The following PTPRN2 variants were observed in gnomAD, a reference collection of about 807,000 sequenced individuals.
PTPRN2 encodes protein tyrosine phosphatase receptor type N2.
PTPRN2 carries 74 observed loss-of-function variants against 118.8 expected under a neutral mutation model. The ratio of observed to expected loss-of-function variants is 0.62; its 90% CI spans 0.52 to 0.76. PTPRN2 has a LOEUF of 0.76. Among genes scored for constraint, PTPRN2 ranks in the 30% least tolerant of loss-of-function variants. PTPRN2 has a pLI of 0.00. For synonymous variants in PTPRN2, 641 were observed against 608.0 expected, an observed-to-expected ratio of 1.05 and a Z score of -0.80; for missense variants, 1,481 against 1,394.4, an observed-to-expected ratio of 1.06 and a Z score of -0.99.
rs56040599 is a variant in PTPRN2, at chr7:158,469,735, CAAA to C, written c.163+19997_163+19999del. Among the ~76,000 whole-genome samples the C allele has an allele frequency of 6.6e-3, 444 of 67,504 alleles. 4 individuals carry two copies. Among genetic ancestry groups the C allele is most frequent in the African/African-American group, 0.019 (407 of 21,010 alleles). 44.3% of individuals were successfully genotyped at this position (67,504 alleles called of 152,430 possible). A position where few individuals can be genotyped will look rare whatever the true frequency, so the allele number is the denominator to read the frequency against. On this transcript the variant is annotated intron_variant, in intron 2 of 22. Coordinates refer to ENST00000389418, the MANE Select transcript of PTPRN2 (RefSeq NM_002847.5). ...CAGCAAGTGAGAGAGAAAACCTGGC[CAAA>C]AAAAAAAAAAAAAAAATGCAAAGAA... is the stretch of plus-strand genomic sequence containing the variant.
chr7:158,207,781 C>T (rs535114667), intron 3 of PTPRN2, among the ~76,000 whole-genome samples: 2 of 152,216 alleles, frequency 1.3e-5, no homozygotes, highest in South Asian at 4.1e-4. Flanking sequence ...CCTCACCAAA[C>T]GAACTAAATA....
intron 11 of PTPRN2, among the ~76,000 whole-genome samples, chr7:157,947,463 G>A (rs896758160): frequency 2.0e-5 from 3 of 152,156 alleles, no homozygotes; most frequent in Admixed American, 6.5e-5. Flanking sequence ...AGGATTGGTG[G>A]CCTAAGTTCC....
intron 3 of PTPRN2, among the ~76,000 whole-genome samples, chr7:158,236,209 T>G (rs4909140): frequency 0.41 from 61,753 of 151,870 alleles, 13,611 homozygotes; most frequent in Admixed American, 0.48. Context: ...TAGGGGATGG[T>G]GTGGAAACGC....
chr7:157,922,949 T>G (rs1340118623), intron 11 of PTPRN2, among the ~76,000 whole-genome samples: 1 of 152,242 alleles, frequency 6.6e-6, no homozygotes, highest in Non-Finnish European at 1.5e-5. Context: ...CAGCCATCCT[T>G]CCACTGTCTC....
Position 157,877,479 on chromosome 7 carries a change from C to T in PTPRN2, c.1788+21194G>A, listed in dbSNP as rs367668487. 9.4e-5 allele frequency among the ~76,000 whole-genome samples: 14 copies of T among 149,486 alleles called. No homozygotes were observed. In the East Asian group the frequency reaches 1.2e-3, roughly 13 times the overall value. Reference sequence around the variant, plus strand: ...TTGGGGACCCCAGATCTGAGTGCAGCGCCAGGGTTTCCTCGGGGCCCCGGG... The same window carrying T: ...TTGGGGACCCCAGATCTGAGTGCAGTGCCAGGGTTTCCTCGGGGCCCCGGG... On this transcript the variant is annotated intron_variant, in intron 12 of 22. Coordinates refer to ENST00000389418, the MANE Select transcript of PTPRN2 (RefSeq NM_002847.5).
intron 1 of PTPRN2, among the ~76,000 whole-genome samples, chr7:158,518,089 A>C (rs892289180): frequency 6.6e-6 from 1 of 152,256 alleles, no homozygotes; most frequent in African/African-American, 2.4e-5. Context: ...CCCTTAAAAG[A>C]AAATAGACTC....
intron 3 of PTPRN2, among the ~76,000 whole-genome samples, chr7:158,255,684 G>T (rs1384830492): frequency 1.3e-5 from 2 of 152,062 alleles, no homozygotes; most frequent in African/African-American, 4.8e-5. Context: ...CTCCATTCCC[G>T]CTGGGGCTGT....
intron 1 of PTPRN2, among the ~76,000 whole-genome samples, chr7:158,508,144 GC>G (rs1162589620): frequency 1.3e-5 from 2 of 151,216 alleles, no homozygotes; most frequent in African/African-American, 4.9e-5. Flanking sequence ...CCAAGGGACA[GC>G]CCCACGGTGG....
At chr7:158,301,499 G>A (rs1227076058) in intron 3 of PTPRN2, among the ~76,000 whole-genome samples, 2 of 152,150 alleles carry the variant, frequency 1.3e-5, no homozygotes, top group Admixed American at 6.5e-5. Context: ...CAGCTTCCCG[G>A]TTAACCTACA....
At chr7:158,100,101 G>A (rs1348719057) in intron 10 of PTPRN2, among the ~76,000 whole-genome samples, 1 of 151,828 alleles carries the variant, frequency 6.6e-6, no homozygotes. Context: ...TCATAGCTCA[G>A]CTCCCACTTA....
At chr7:157,701,474 C>T (rs980223848) in intron 12 of PTPRN2, among the ~76,000 whole-genome samples, 2 of 152,184 alleles carry the variant, frequency 1.3e-5, no homozygotes, top group African/African-American at 4.8e-5. Flanking sequence ...AGAATGTGGT[C>T]ACAGGCATCG....
chr7:158,019,891 C>T (rs754693816), intron 11 of PTPRN2, among the ~76,000 whole-genome samples: 6 of 152,346 alleles, frequency 3.9e-5, no homozygotes, highest in African/African-American at 7.2e-5. Flanking sequence ...CCGCAGGACA[C>T]GGTTTTCCAC....
chr7:158,455,826 G>A (rs1818425399), intron 2 of PTPRN2, among the ~76,000 whole-genome samples: 1 of 149,236 alleles, frequency 6.7e-6, no homozygotes, highest in African/African-American at 2.5e-5. Context: ...GATGCCATCG[G>A]CCACGGCCAC....
At chr7:158,521,619 TC>T (rs1824042216) in intron 1 of PTPRN2, among the ~76,000 whole-genome samples, 1 of 125,578 alleles carries the variant, frequency 8.0e-6, no homozygotes, top group African/African-American at 3.4e-5. Context: ...AGGTAGTGGC[TC>T]AGGAGGGAGG....
intron 11 of PTPRN2, among the ~76,000 whole-genome samples, chr7:157,915,609 C>G (rs910585495): frequency 2.0e-5 from 3 of 152,126 alleles, no homozygotes; most frequent in Non-Finnish European, 2.9e-5. Context: ...GGCATGTCTT[C>G]TATTAGCCTT....
At chr7:158,076,928 C>A (rs763458587) in intron 11 of PTPRN2, among the ~76,000 whole-genome samples, 3 of 152,230 alleles carry the variant, frequency 2.0e-5, no homozygotes, top group Non-Finnish European at 4.4e-5. Context: ...AGAATCCGCA[C>A]GGAGCGGACC....
intron 1 of PTPRN2, among the ~76,000 whole-genome samples, chr7:158,550,171 C>T (rs945737238): frequency 6.6e-6 from 1 of 152,208 alleles, no homozygotes; most frequent in Admixed American, 6.5e-5. Context: ...ATTGACTCCT[C>T]GAGCTCCTCG....
intron 11 of PTPRN2, among the ~76,000 whole-genome samples, chr7:158,001,309 G>C (rs1805240547): frequency 1.3e-5 from 2 of 149,460 alleles, no homozygotes; most frequent in Non-Finnish European, 3.0e-5. Flanking sequence ...CCACAGGCCT[G>C]CTCTTGGCTG....
chr7:158,327,228 T>G lies in PTPRN2; in HGVS notation c.164-10296A>C, dbSNP rs536517288. On this transcript the variant is annotated intron_variant, in intron 2 of 22. Transcript: ENST00000389418. ...ACATTCTCAAACACACACGTAAACA[T>G]TCTCATATCCACATACATGCACACA... is the stretch of plus-strand genomic sequence containing the variant. 1.5e-3 allele frequency among the ~76,000 whole-genome samples: 228 copies of G among 147,528 alleles called. 1 individual carries two copies. Among genetic ancestry groups the G allele is most frequent in the African/African-American group, 5.6e-3 (218 of 39,220 alleles).
Sources: gnomAD v4.1 joint callset for allele counts (sites outside exome capture counted in the v4.1 genomes callset) on GRCh38, gnomAD v4.1.1 for gene constraint, MANE v1.5 for transcripts, NCBI Gene and HGNC (gene_info 2026-07-23, HGNC 2026-07-21) for gene names.